Variants in RALYL observed in about 807,000 individuals in gnomAD.
The protein encoded by RALYL is RNA-binding Raly-like protein.
Under a neutral mutation model 35.1 loss-of-function variants are expected in RALYL, and 29 were observed. That is an observed-to-expected ratio of 0.83 (90% CI 0.61 to 1.13). The LOEUF (loss-of-function observed/expected upper bound fraction) is 1.13, where lower values mean the gene tolerates loss of function less well. RALYL is among the 50% of genes most tolerant of loss of function. The probability of loss-of-function intolerance (pLI) is 0.00; values close to 1 mark genes in which losing one functional copy is unlikely to be tolerated. For missense variants in RALYL, 359 were observed against 360.4 expected (o/e 1.00, Z 0.03); for synonymous variants, 120 against 127.6 (o/e 0.94, Z 0.40).
chr8:84,913,013 T>TA (rs1482786650), intron 8 of RALYL, among the ~76,000 whole-genome samples: 1 of 133,030 alleles, frequency 7.5e-6, no homozygotes, highest in Non-Finnish European at 1.6e-5. Context: ...GATGGATGGA[T>TA]GGATGGATGG....
At chr8:84,537,043 T>C (rs2059657684) in intron 2 of RALYL, among the ~76,000 whole-genome samples, 1 of 151,782 alleles carries the variant, frequency 6.6e-6, no homozygotes, top group African/African-American at 2.4e-5. Flanking sequence ...AAGTAGTTCA[T>C]CAATTGCAGA....
At chr8:84,441,922 A>G (rs1036526331) in intron 1 of RALYL, among the ~76,000 whole-genome samples, 2 of 152,130 alleles carry the variant, frequency 1.3e-5, no homozygotes, top group African/African-American at 4.8e-5. Flanking sequence ...GTTATAATTT[A>G]TACAATGCTT....
intron 4 of RALYL, among the ~76,000 whole-genome samples, chr8:84,838,321 C>A (rs1048894521): frequency 6.6e-6 from 1 of 152,088 alleles, no homozygotes; most frequent in Non-Finnish European, 1.5e-5. Flanking sequence ...AGGATCCCCT[C>A]CCCCACAAAA....
chr8:84,247,340 C>T (rs1029964860), intron 1 of RALYL, among the ~76,000 whole-genome samples: 68 of 151,948 alleles, frequency 4.5e-4, no homozygotes, highest in African/African-American at 1.6e-3. Context: ...GTCTTAAACC[C>T]TTTTGGTTTG....
At chr8:84,601,006 A>C (rs1365348077) in intron 2 of RALYL, among the ~76,000 whole-genome samples, 4 of 152,124 alleles carry the variant, frequency 2.6e-5, no homozygotes, top group Non-Finnish European at 5.9e-5. Flanking sequence ...CTATGTGGAA[A>C]ATCTTAGATA....
At chr8:84,807,695 G>T (rs958352038) in intron 4 of RALYL, among the ~76,000 whole-genome samples, 6 of 151,974 alleles carry the variant, frequency 3.9e-5, no homozygotes, top group Admixed American at 2.6e-4. Context: ...TTGATTTTTT[G>T]ATTATGGCCA....
chr8:84,840,908 A>AG (rs2134580303), intron 4 of RALYL, among the ~76,000 whole-genome samples: 1 of 152,318 alleles, frequency 6.6e-6, no homozygotes, highest in Admixed American at 6.5e-5. Context: ...TTTACAGACA[A>AG]GCAAATGCTG....
intron 1 of RALYL, among the ~76,000 whole-genome samples, chr8:84,249,594 AT>A (rs1353709954): frequency 6.6e-6 from 1 of 152,132 alleles, no homozygotes; most frequent in Non-Finnish European, 1.5e-5. Flanking sequence ...ATAAAGGTGA[AT>A]GAGGAATCCT....
intron 2 of RALYL, among the ~76,000 whole-genome samples, chr8:84,761,983 A>G (rs1320458279): frequency 1.3e-5 from 2 of 152,056 alleles, no homozygotes; most frequent in Non-Finnish European, 2.9e-5. Context: ...GGAGGAATTT[A>G]GGGAGTTAGC....
intron 1 of RALYL, among the ~76,000 whole-genome samples, chr8:84,490,968 A>G (rs963550115): frequency 2.0e-5 from 3 of 151,870 alleles, no homozygotes; most frequent in African/African-American, 7.2e-5. Context: ...TTTTTGTGGT[A>G]TTTTTTAAGC....
At chr8:84,643,685 C>G (rs553054084) in intron 2 of RALYL, among the ~76,000 whole-genome samples, 1 of 151,920 alleles carries the variant, frequency 6.6e-6, no homozygotes. Context: ...GCTTGCAGAG[C>G]CCAGTAACAA....
chr8:84,563,429 C>T (rs1466394752), intron 2 of RALYL, among the ~76,000 whole-genome samples: 3 of 151,846 alleles, frequency 2.0e-5, no homozygotes, highest in African/African-American at 7.3e-5. Flanking sequence ...ATTACATTGG[C>T]ACTCACACTC....
In RALYL at chr8:84,280,504, A is replaced by G. The variant is rs897215047; in HGVS notation, c.-24+96080A>G. ...TTAAACAAAATTAGTTTATATTTCT[A>G]ATTTAGGGAGTTGAAAAATTTCAGA... On this transcript the variant is annotated intron_variant, in intron 1 of 8. Coordinates refer to ENST00000521268, the MANE Select transcript of RALYL (RefSeq NM_173848.7). 9.2e-5 allele frequency among the ~76,000 whole-genome samples: 14 copies of G among 152,006 alleles called. No individual in the cohort carries two copies. In the East Asian group the frequency reaches 2.7e-3, roughly 29 times the overall value.
At chr8:84,388,177 C>CT (rs1310659285) in intron 1 of RALYL, among the ~76,000 whole-genome samples, 1 of 151,926 alleles carries the variant, frequency 6.6e-6, no homozygotes, top group Non-Finnish European at 1.5e-5. Context: ...TGAACTCATC[C>CT]TTTTTTATGG....
chr8:84,562,583 G>C (rs2061532757), intron 2 of RALYL, among the ~76,000 whole-genome samples: 1 of 151,810 alleles, frequency 6.6e-6, no homozygotes, highest in East Asian at 1.9e-4. Context: ...CTAAAAAATG[G>C]AACAGATGGG....
intron 4 of RALYL, among the ~76,000 whole-genome samples, chr8:84,821,325 T>C (rs28538992): frequency 0.012 from 1,861 of 152,280 alleles, 31 homozygotes; most frequent in African/African-American, 0.043. Flanking sequence ...CATGATGATA[T>C]CTCCATAAAT....
At chr8:84,502,251 A>G (rs1171985133) in intron 1 of RALYL, among the ~76,000 whole-genome samples, 1 of 152,046 alleles carries the variant, frequency 6.6e-6, no homozygotes, top group Non-Finnish European at 1.5e-5. Context: ...TGACTATATA[A>G]TATCTTGTGG....
intron 2 of RALYL, among the ~76,000 whole-genome samples, chr8:84,565,571 A>G (rs188756852): frequency 2.4e-4 from 37 of 151,708 alleles, no homozygotes; most frequent in Non-Finnish European, 4.6e-4. Flanking sequence ...ATAATAGTCT[A>G]TCCTAGAATT....
intron 5 of RALYL, among the ~76,000 whole-genome samples, chr8:84,858,967 C>G (rs1247307801): frequency 1.3e-5 from 2 of 152,104 alleles, no homozygotes; most frequent in Non-Finnish European, 1.5e-5. Context: ...GCCCATGTTA[C>G]TGGTGGAGGA....
Sources: gnomAD v4.1 joint callset for allele counts (sites outside exome capture counted in the v4.1 genomes callset) on GRCh38, gnomAD v4.1.1 for gene constraint, MANE v1.5 for transcripts, NCBI Gene and HGNC (gene_info 2026-07-23, HGNC 2026-07-21) for gene names.